The following PDE4D variants were observed in gnomAD, a reference collection of about 807,000 sequenced individuals.
PDE4D encodes the protein 3',5'-cyclic-AMP phosphodiesterase 4D.
In PDE4D, 24 loss-of-function variants were observed where a neutral mutation model predicts 87.4. That is an observed-to-expected ratio of 0.27 (90% CI 0.20 to 0.39). PDE4D has a LOEUF of 0.39. Among genes scored for constraint, PDE4D ranks in the 10% least tolerant of loss-of-function variants. PDE4D has a pLI of 1.00. For synonymous variants in PDE4D, 384 were observed against 383.2 expected (o/e 1.00, Z -0.02); for missense variants, 714 against 1,041.0 (o/e 0.69, Z 4.32).
At chr5:59,783,486 T>C (rs1764825071) in intron 1 of PDE4D, among the ~76,000 whole-genome samples, 3 of 152,196 alleles carry the variant, frequency 2.0e-5, no homozygotes, top group Non-Finnish European at 4.4e-5. Context: ...TCCCTTAAAG[T>C]AATGGTAGGT....
At chr5:59,237,563 C>T (rs747969564) in intron 1 of PDE4D, among the ~76,000 whole-genome samples, 7 of 152,122 alleles carry the variant, frequency 4.6e-5, no homozygotes, top group Non-Finnish European at 1.0e-4. Context: ...ATTTACAAGA[C>T]ATCGACAGGT....
At position 59,769,501 on chromosome 5, in the gene PDE4D, T is replaced by C. The variant is rs575872504; in HGVS notation, c.455+123667A>G. ...ATCTAGCTTTTCGTGATTTCCTTTA[T>C]TGCCTTTTAATGTAAGATTTTTATG... On this transcript the variant is annotated intron_variant, in intron 1 of 14. Transcript: ENST00000340635. Among the ~76,000 whole-genome samples, 10 of 152,356 alleles carry C rather than the reference T, an allele frequency of 6.6e-5. No individual in the cohort carries two copies. In the South Asian group the frequency reaches 2.1e-3, roughly 32 times the overall value.
rs1355541452 is a variant in PDE4D, at chr5:59,539,689, C to T, written c.456-323721G>A. 3.3e-5 allele frequency among the ~76,000 whole-genome samples: 5 copies of T among 152,222 alleles called. No individual in the cohort carries two copies. The South Asian group carries it at 1.0e-3, about 32-fold the overall frequency. On this transcript the variant is annotated intron_variant, in intron 1 of 14. Transcript: ENST00000340635. The stretch of plus-strand genomic sequence containing the variant: ...GCTAGAATAAACTTCATTATTCCTA[C>T]AAAATTATGGAAGTAGCTGGCTATA...
Position 59,611,187 on chromosome 5 carries a change from A to G in PDE4D, c.455+281981T>C, listed in dbSNP as rs557163313. Among the ~76,000 whole-genome samples the G allele has an allele frequency of 2.0e-4, 31 of 152,270 alleles. No individual in the cohort carries two copies. In the South Asian group the frequency reaches 6.4e-3, roughly 32 times the overall value. On this transcript the variant is annotated intron_variant, in intron 1 of 14. Transcript: ENST00000340635. ...AAGTCCAAGATGAAGGCATCAGCAG[A>G]TTGGATATCTGGTGATGGTTTACTT...
At chr5:60,384,550 G>A (rs1285012621) in intron 1 of PDE4D, among the ~76,000 whole-genome samples, 1 of 152,136 alleles carries the variant, frequency 6.6e-6, no homozygotes, top group Non-Finnish European at 1.5e-5. Context: ...CTCTCCTCCT[G>A]ACATGATTTC....
chr5:59,968,581 T>TA lies in PDE4D; in HGVS notation c.272+19906dup, dbSNP rs796717906. Among the ~76,000 whole-genome samples the TA allele has an allele frequency of 6.3e-4, 96 of 152,086 alleles. 2 individuals carry two copies. Among genetic ancestry groups the TA allele is most frequent in the African/African-American group, 2.2e-3 (91 of 41,502 alleles). On this transcript the variant is annotated intron_variant, in intron 3 of 16. Coordinates refer to the PDE4D transcript ENST00000502484. Reference sequence around the variant, plus strand: ...CATATATCTAAAATAAAAGTTGAAATAAAAAAATATATAAAGCTAGAACCA... The same window carrying TA: ...CATATATCTAAAATAAAAGTTGAAATAAAAAAAATATATAAAGCTAGAACCA...
At chr5:59,289,761 T>A (rs1367305901) in intron 1 of PDE4D, among the ~76,000 whole-genome samples, 2 of 151,984 alleles carry the variant, frequency 1.3e-5, no homozygotes, top group Non-Finnish European at 2.9e-5. Flanking sequence ...GAAAATATGA[T>A]CTTAAATTTG....
At chr5:59,668,027 CT>C (rs1347435031) in intron 1 of PDE4D, among the ~76,000 whole-genome samples, 1 of 152,148 alleles carries the variant, frequency 6.6e-6, no homozygotes, top group Non-Finnish European at 1.5e-5. Context: ...CCTATCCATC[CT>C]TAAACCTTAA....
chr5:60,453,244 C>T (rs943419707), intron 1 of PDE4D, among the ~76,000 whole-genome samples: 3 of 152,068 alleles, frequency 2.0e-5, no homozygotes, highest in African/African-American at 4.8e-5. Context: ...GGCATGTTTG[C>T]TTGTGCATAT....
chr5:59,976,585 C>A (rs185803814), intron 3 of PDE4D, among the ~76,000 whole-genome samples: 9 of 152,302 alleles, frequency 5.9e-5, no homozygotes, highest in Admixed American at 3.3e-4. Flanking sequence ...AGACACCCTG[C>A]TAAACAATGA....
At chr5:59,277,802 T>G (rs1765104205) in intron 1 of PDE4D, among the ~76,000 whole-genome samples, 1 of 152,188 alleles carries the variant, frequency 6.6e-6, no homozygotes, top group South Asian at 2.1e-4. Context: ...ACACACAAGT[T>G]TAGTGCAGCC....
At chr5:59,462,733 T>C (rs1800960442) in intron 1 of PDE4D, among the ~76,000 whole-genome samples, 1 of 152,128 alleles carries the variant, frequency 6.6e-6, no homozygotes, top group African/African-American at 2.4e-5. Context: ...CGTCTTAGGA[T>C]TTAAACCCTT....
chr5:60,329,766 C>T (rs1268898824), intron 1 of PDE4D, among the ~76,000 whole-genome samples: 1 of 151,818 alleles, frequency 6.6e-6, no homozygotes, highest in African/African-American at 2.4e-5. Context: ...TGCCCACTCT[C>T]GGTGAAAATA....
intron 1 of PDE4D, among the ~76,000 whole-genome samples, chr5:59,572,281 T>C (rs1048203716): frequency 4.6e-5 from 7 of 152,126 alleles, no homozygotes; most frequent in African/African-American, 1.2e-4. Flanking sequence ...GGGCTATAAG[T>C]TGGGTTAAAG....
At chr5:59,730,362 A>G (rs547043567) in intron 1 of PDE4D, among the ~76,000 whole-genome samples, 1 of 152,262 alleles carries the variant, frequency 6.6e-6, no homozygotes, top group East Asian at 1.9e-4. Flanking sequence ...CTTCCAAACC[A>G]GGGTAATTAA....
intron 1 of PDE4D, among the ~76,000 whole-genome samples, chr5:59,429,771 C>T (rs761503631): frequency 6.4e-4 from 97 of 152,070 alleles, no homozygotes; most frequent in Middle Eastern, 3.4e-3. Flanking sequence ...AAGGGTGGGT[C>T]GGGGGTAGAA....
chr5:59,193,405 A>T, intron 3 of PDE4D, 95 bp downstream of exon 3: 1 of 1,139,930 alleles, frequency 8.8e-7, no homozygotes, highest in South Asian at 1.4e-5. Context: ...CTTGTGCTTG[A>T]TTTAAAATTA....
chr5:59,617,421 A>T (rs1171174615), intron 1 of PDE4D, among the ~76,000 whole-genome samples: 1 of 152,212 alleles, frequency 6.6e-6, no homozygotes, highest in Non-Finnish European at 1.5e-5. Flanking sequence ...CCAACACTTT[A>T]TTGCGTCTCC....
intron 6 of PDE4D, among the ~76,000 whole-genome samples, chr5:59,029,327 G>A (rs1212528319): frequency 7.0e-6 from 1 of 143,536 alleles, no homozygotes; most frequent in Non-Finnish European, 1.5e-5. Context: ...TGAGGCAGGA[G>A]AACGGCGTGA....
Sources: allele counts gnomAD v4.1 joint callset (sites outside exome capture counted in the v4.1 genomes callset), GRCh38; gene constraint gnomAD v4.1.1; transcripts MANE v1.5; gene names NCBI Gene and HGNC (gene_info 2026-07-23, HGNC 2026-07-21).